WWOX: variants seen among roughly 807,000 people sequenced by gnomAD.
WWOX encodes the protein WW domain containing oxidoreductase.
WWOX carries 69 observed loss-of-function variants against 46.2 expected under a neutral mutation model. The observed-to-expected ratio is 1.49, with a 90% CI of 1.23 to 1.82. The LOEUF (loss-of-function observed/expected upper bound fraction) is 1.82, where lower values mean the gene tolerates loss of function less well. WWOX is among the 40% of genes most tolerant of loss of function. WWOX has a pLI of 0.00. For synonymous variants in WWOX, 359 were observed against 202.6 expected (o/e 1.77, Z -6.56); for missense variants, 919 against 542.6 (o/e 1.69, Z -6.89).
At chr16:78,828,144 G>C (rs1435852263) in intron 8 of WWOX, among the ~76,000 whole-genome samples, 1 of 152,206 alleles carries the variant, frequency 6.6e-6, no homozygotes, top group Non-Finnish European at 1.5e-5. Flanking sequence ...AGTGACAGTA[G>C]GAATGAGAGA....
chr16:79,145,800 T>A (rs960037152), intron 8 of WWOX, among the ~76,000 whole-genome samples: 1 of 152,202 alleles, frequency 6.6e-6, no homozygotes, highest in Non-Finnish European at 1.5e-5. Context: ...ATATACTAGT[T>A]ATAATTTAAG....
chr16:78,406,199 G>A (rs2082528125), intron 6 of WWOX, among the ~76,000 whole-genome samples: 1 of 149,862 alleles, frequency 6.7e-6, no homozygotes, highest in Admixed American at 6.7e-5. Context: ...ATTATTTAAT[G>A]TTTATTGCTA....
At chr16:78,513,848 C>G (rs1400921870) in intron 8 of WWOX, among the ~76,000 whole-genome samples, 1 of 151,776 alleles carries the variant, frequency 6.6e-6, no homozygotes, top group Non-Finnish European at 1.5e-5. Flanking sequence ...ACAGGGAACA[C>G]TTGGTCGAAA....
intron 8 of WWOX, among the ~76,000 whole-genome samples, chr16:78,813,889 G>C (rs1597656953): frequency 6.6e-6 from 1 of 152,080 alleles, no homozygotes; most frequent in Non-Finnish European, 1.5e-5. Context: ...GCTTGCCTGA[G>C]CAAGCCATTA....
rs1007563753 is a variant in WWOX, at chr16:78,388,001, T to C, written c.605+1053T>C. Among the ~76,000 whole-genome samples, 3 of 152,164 alleles carry C rather than the reference T, an allele frequency of 2.0e-5. No individual in the cohort carries two copies. In the East Asian group the frequency reaches 5.9e-4, roughly 30 times the overall value. The stretch of plus-strand genomic sequence containing the variant: ...GAGGGAAGGGATCTTAAACCAGATA[T>C]TCAAATGGCCCTGTGGGGAGCTGAC... On this transcript the variant is annotated intron_variant, in intron 6 of 8. Transcript: ENST00000566780.
At chr16:78,900,048 C>T (rs1274014338) in intron 8 of WWOX, among the ~76,000 whole-genome samples, 1 of 145,460 alleles carries the variant, frequency 6.9e-6, no homozygotes, top group Non-Finnish European at 1.5e-5. Flanking sequence ...AATATACAAG[C>T]CCTCCTGACT....
chr16:78,989,356 T>A (rs1394052840), intron 8 of WWOX, among the ~76,000 whole-genome samples: 1 of 152,140 alleles, frequency 6.6e-6, no homozygotes, highest in Non-Finnish European at 1.5e-5. Context: ...CATCTTTGCT[T>A]CCTTGGATCC....
intron 5 of WWOX, among the ~76,000 whole-genome samples, chr16:78,328,340 C>T (rs902471939): frequency 2.6e-5 from 4 of 152,150 alleles, no homozygotes; most frequent in African/African-American, 9.7e-5. Flanking sequence ...TAACACCTCA[C>T]TAGGGATATT....
intron 8 of WWOX, among the ~76,000 whole-genome samples, chr16:78,624,581 A>G (rs1369838154): frequency 3.3e-5 from 5 of 152,184 alleles, no homozygotes; most frequent in African/African-American, 1.2e-4. Flanking sequence ...CTAATAGCAT[A>G]CTGAACCCAT....
intron 8 of WWOX, among the ~76,000 whole-genome samples, chr16:78,930,938 C>G (rs994445948): frequency 2.0e-5 from 3 of 152,178 alleles, no homozygotes; most frequent in Non-Finnish European, 4.4e-5. Flanking sequence ...CTATCACTAA[C>G]TAGTACCCTT....
intron 5 of WWOX, among the ~76,000 whole-genome samples, chr16:78,323,996 A>G (rs1362128279): frequency 6.6e-6 from 1 of 152,160 alleles, no homozygotes; most frequent in East Asian, 1.9e-4. Flanking sequence ...TCCTCCTCCA[A>G]CTTCACTTTC....
intron 8 of WWOX, among the ~76,000 whole-genome samples, chr16:78,861,815 G>A (rs560239823): frequency 6.6e-6 from 1 of 152,254 alleles, no homozygotes; most frequent in African/African-American, 2.4e-5. Flanking sequence ...GTTGAAATAG[G>A]TAAAGCACAA....
At chr16:78,419,704 A>T (rs147535071) in intron 6 of WWOX, among the ~76,000 whole-genome samples, 1 of 151,474 alleles carries the variant, frequency 6.6e-6, no homozygotes, top group Admixed American at 6.6e-5. Flanking sequence ...AGAAGCAAAC[A>T]TAGGGGTATA....
intron 8 of WWOX, among the ~76,000 whole-genome samples, chr16:78,889,174 C>T (rs1367246696): frequency 6.6e-6 from 1 of 152,120 alleles, no homozygotes. Context: ...GATAAGGATT[C>T]GTACCAGGGA....
intron 8 of WWOX, among the ~76,000 whole-genome samples, chr16:78,588,087 T>G (rs966166347): frequency 6.6e-6 from 1 of 152,162 alleles, no homozygotes; most frequent in Non-Finnish European, 1.5e-5. Flanking sequence ...TTTGTGGCCC[T>G]AACCCTTGCC....
At chr16:79,086,347 A>T (rs368407586) in intron 8 of WWOX, among the ~76,000 whole-genome samples, 137 of 152,330 alleles carry the variant, frequency 9.0e-4, no homozygotes, top group African/African-American at 3.2e-3. Context: ...GCAAAAGTCA[A>T]ATTTGTGCAA....
At chr16:78,187,952 T>C (rs1273414963) in intron 5 of WWOX, among the ~76,000 whole-genome samples, 1 of 152,166 alleles carries the variant, frequency 6.6e-6, no homozygotes, top group Non-Finnish European at 1.5e-5. Context: ...TCCATTTCCA[T>C]TAGGTATTAT....
intron 8 of WWOX, among the ~76,000 whole-genome samples, chr16:78,530,046 T>C (rs1436381197): frequency 6.6e-6 from 1 of 152,116 alleles, no homozygotes; most frequent in East Asian, 1.9e-4. Context: ...TGCACTCACT[T>C]GAACCCCCTG....
At chr16:78,385,230 G>C (rs1431140549) in intron 5 of WWOX, among the ~76,000 whole-genome samples, 1 of 151,946 alleles carries the variant, frequency 6.6e-6, no homozygotes, top group Non-Finnish European at 1.5e-5. Flanking sequence ...AATCTGGTCT[G>C]ATGTGGCCTT....
Sources: allele counts gnomAD v4.1 joint callset (sites outside exome capture counted in the v4.1 genomes callset), GRCh38; gene constraint gnomAD v4.1.1; transcripts MANE v1.5; gene names NCBI Gene and HGNC (gene_info 2026-07-23, HGNC 2026-07-21).